Variants in ZNF583 observed in about 807,000 individuals in gnomAD.
ZNF583 encodes the protein zinc finger protein L3-5.
Under a neutral mutation model 55.3 loss-of-function variants are expected in ZNF583, and 30 were observed. The observed-to-expected ratio is 0.54, with a 90% CI of 0.41 to 0.74. The LOEUF is 0.74. Ranked by LOEUF, ZNF583 falls within the 30% of genes least tolerant of loss-of-function variation. ZNF583 has a pLI of 0.00. For missense variants in ZNF583, 504 were observed against 664.7 expected (o/e 0.76, Z 2.66); for synonymous variants, 208 against 220.0 (o/e 0.95, Z 0.48).
chr19:56,422,857 A>G, intron 4 of ZNF583, 34 bp from the exon 5 acceptor site: 2 of 1,506,298 alleles, frequency 1.3e-6, no homozygotes, highest in Non-Finnish European at 8.9e-7. Flanking sequence ...AGTGAATTAA[A>G]TACAAAAGTC....
At chr19:56,406,101 G>A (rs60451375) in intron 1 of ZNF583, among the ~76,000 whole-genome samples, 2,110 of 152,292 alleles carry the variant, frequency 0.014, 46 homozygotes, top group African/African-American at 0.048. Context: ...TGTCTGAGGA[G>A]ATTGCCCAGA....
rs2042498607 is a variant in ZNF583 at position 56,427,296 on chromosome 19, G to A, written c.*2928G>A. On this transcript the variant is annotated 3_prime_UTR_variant, in exon 5 of 5. Transcript: ENST00000333201. ...CCATTAACAAGTATAAGTTCTAACT[G>A]AATAAAAATCTAAATGTAAATTACT... 6.6e-6 allele frequency: 1 copy of A among 152,068 alleles called. No homozygotes were observed. The highest frequency in any genetic ancestry group is 6.6e-5 in the Admixed American group (1 of 15,266). 9.4% of individuals were successfully genotyped at this position (152,068 alleles called of 1,614,324 possible). A position where few individuals can be genotyped will look rare whatever the true frequency, so the allele number is the denominator to read the frequency against.
intron 1 of ZNF583, 53 bp from the exon 2 acceptor site, chr19:56,406,973 A>G: frequency 1.2e-6 from 1 of 809,118 alleles, no homozygotes; most frequent in Non-Finnish European, 2.0e-6. Context: ...GGCTGATGAT[A>G]CTGAGAGCTG....
At chr19:56,404,100 TGGAA>T (rs2042106058), upstream of ZNF583, 1 of 152,182 alleles carries the variant, frequency 6.6e-6, no homozygotes, top group Non-Finnish European at 1.5e-5. This position sits in a 1 kb window ranked among gnomAD's most constrained non-coding sequence, Gnocchi z 5.2. Context: ...GTGGAACGGG[TGGAA>T]CGGGTGGGGG....
In ZNF583 at chr19:56,424,424, G is replaced by A. The variant is rs1333571710; in HGVS notation, c.*56G>A. The stretch of plus-strand genomic sequence containing the variant: ...TTCCATCCCATCATCCTTGTCCAAT[G>A]CACATTAATATATTTGACATGGGAT... On this transcript the variant is annotated 3_prime_UTR_variant, in exon 5 of 5. Transcript: ENST00000333201. 1 of 743,026 alleles carries A rather than the reference G, an allele frequency of 1.3e-6. No homozygotes were observed. The highest frequency in any genetic ancestry group is 2.7e-5 in the East Asian group (1 of 37,118). The allele number at this position is 743,026 out of a possible 1,614,324, so 46.0% of individuals were successfully genotyped here. A position where few individuals can be genotyped will look rare whatever the true frequency, so the allele number is the denominator to read the frequency against.
At chr19:56,419,656 A>G (rs2042384167) in intron 4 of ZNF583, among the ~76,000 whole-genome samples, 1 of 152,230 alleles carries the variant, frequency 6.6e-6, no homozygotes, top group Non-Finnish European at 1.5e-5. Flanking sequence ...TCACCAATGA[A>G]GACATCTGGG....
In ZNF583 at chr19:56,404,976, G is replaced by A. The variant is rs113780059; in HGVS notation, c.-90+524G>A. On this transcript the variant is annotated intron_variant, in intron 1 of 4. Coordinates refer to ENST00000333201, the MANE Select transcript of ZNF583 (RefSeq NM_152478.3). This position sits in a 1 kb window ranked among gnomAD's most constrained non-coding sequence, Gnocchi z 5.2. ...ATAATGTAAGACTGTGTGACAGTGT[G>A]TGTGACTTTGTGAACAGAGCTTGAC... 0.071 allele frequency among the ~76,000 whole-genome samples: 10,877 copies of A among 152,232 alleles called. 652 individuals carry two copies. The highest frequency in any genetic ancestry group is 0.17 in the African/African-American group (6,865 of 41,506).
chr19:56,424,033 A>G lies in ZNF583; in HGVS notation c.1375A>G (p.Thr459Ala). 6.2e-7 allele frequency: 1 copy of G among 1,614,120 alleles called. No homozygotes were observed. Among genetic ancestry groups the G allele is most frequent in the South Asian group, 1.1e-5 (1 of 91,088 alleles). ...ACTTGCACAACATCAGAGAAGTCATACTGGAGAAAAACCCTATATGTGTAA... is the reference window on the plus strand; with the variant it reads ...ACTTGCACAACATCAGAGAAGTCATGCTGGAGAAAAACCCTATATGTGTAA... Reference protein sequence around the residue: ...SSLAQHQRSHTGEKPYMCKEC... With the variant: ...SSLAQHQRSHAGEKPYMCKEC... The change falls in exon 5 of 5, where the codon ACT (threonine) becomes GCT (alanine). Residue 459 changes from threonine to alanine, a missense_variant. Thr to Ala is a moderately conservative substitution (Grantham distance 58). Coordinates refer to ENST00000333201, the MANE Select transcript of ZNF583 (RefSeq NM_152478.3).
At chr19:56,420,959 CTA>C (rs1456712860) in intron 4 of ZNF583, among the ~76,000 whole-genome samples, 14 of 152,170 alleles carry the variant, frequency 9.2e-5, no homozygotes, top group African/African-American at 3.4e-4. Flanking sequence ...TTGCTCATCT[CTA>C]TCTTCTTTTG....
rs1427330575 is a variant in ZNF583, at chr19:56,414,025, G to T, written c.76G>T (p.Ala26Ser). The T allele has an allele frequency of 6.2e-7, 1 of 1,612,366 alleles. No individual in the cohort carries two copies. Among genetic ancestry groups the T allele is most frequent in the South Asian group, 1.1e-5 (1 of 90,746 alleles). ...SQEEWEWLNP[A>S]QRNLYRKVML... ...AGAGGAATGGGAATGGCTGAACCCT[G>T]CTCAGAGGAATTTGTACAGGAAAGT... is the stretch of plus-strand genomic sequence containing the variant. Residue 26 changes from alanine to serine, a missense_variant, in exon 3 of 5, where the codon GCT becomes TCT. Transcript: ENST00000333201.
At chr19:56,410,759 T>A (rs1352795502) in intron 2 of ZNF583, among the ~76,000 whole-genome samples, 1 of 151,772 alleles carries the variant, frequency 6.6e-6, no homozygotes, top group African/African-American at 2.4e-5. Flanking sequence ...AAAATAAGCA[T>A]GGGGGTTAGT....
At position 56,423,425 on chromosome 19, in the gene ZNF583, C is replaced by T. The variant is rs768773674; in HGVS notation, c.767C>T (p.Ala256Val). The T allele has an allele frequency of 5.7e-5, 92 of 1,613,638 alleles. No homozygotes were observed. The highest frequency in any genetic ancestry group is 1.6e-4 in the Middle Eastern group (1 of 6,080). Residue 256 changes from alanine to valine, a missense_variant, in exon 5 of 5, where the codon GCG becomes GTG. Ala to Val is a moderately conservative substitution (Grantham distance 64, BLOSUM62 0). Transcript: ENST00000333201. ...ACGTTCAGCCAGAGTGCAAACTTGG[C>T]GCAACATAAGAGAATACATACTGGA... ...GKTFSQSANL[A>V]QHKRIHTGEK...
At chr19:56,419,645 T>C (rs2042383916) in intron 4 of ZNF583, among the ~76,000 whole-genome samples, 1 of 152,226 alleles carries the variant, frequency 6.6e-6, no homozygotes, top group Non-Finnish European at 1.5e-5. Context: ...TTTGATAGAA[T>C]TCACCAATGA....
At chr19:56,417,991 T>C (rs1167671806) in intron 4 of ZNF583, among the ~76,000 whole-genome samples, 1 of 152,234 alleles carries the variant, frequency 6.6e-6, no homozygotes, top group Admixed American at 6.5e-5. Flanking sequence ...GAATGTCTTC[T>C]GTTCCATTGA....
At chr19:56,415,900 C>T (rs2042314073) in intron 4 of ZNF583, among the ~76,000 whole-genome samples, 1 of 152,060 alleles carries the variant, frequency 6.6e-6, no homozygotes, top group Admixed American at 6.6e-5. Flanking sequence ...TTTAATTTTT[C>T]TAGATAATTG....
chr19:56,422,158 T>C (rs903562906), intron 4 of ZNF583, among the ~76,000 whole-genome samples: 4 of 152,136 alleles, frequency 2.6e-5, no homozygotes, highest in Middle Eastern at 3.2e-3. Context: ...TAAACCAAGG[T>C]AGGAATTTTC....
intron 4 of ZNF583, chr19:56,414,861 C>CA (rs35096926): frequency 0.026 from 1,640 of 64,256 alleles, 16 homozygotes; most frequent in African/African-American, 0.031. Flanking sequence ...ACTAAAAATA[C>CA]AAAAAAAAAA....
At chr19:56,410,508 T>C (rs1464482751) in intron 2 of ZNF583, among the ~76,000 whole-genome samples, 1 of 152,130 alleles carries the variant, frequency 6.6e-6, no homozygotes, top group African/African-American at 2.4e-5. Flanking sequence ...AAGACCAGCC[T>C]GGCCAACATG....
rs557558563 is a variant in ZNF583, at chr19:56,414,060, G to A, written c.111G>A (p.Glu37=). 1 of 1,604,538 alleles carries A rather than the reference G, an allele frequency of 6.2e-7. No individual in the cohort carries two copies. Among genetic ancestry groups the A allele is most frequent in the Admixed American group, 1.7e-5 (1 of 58,588 alleles). The change falls in exon 3 of 5, where the codon GAG becomes GAA. Residue 37 remains glutamate, a synonymous_variant. Transcript: ENST00000333201. ...QRNLYRKVML[E]NYRSLVSLGV... ...ATTTGTACAGGAAAGTGATGTTGGAGAACTACAGGAGCTTGGTATCATTGG... is the reference window on the plus strand; with the variant it reads ...ATTTGTACAGGAAAGTGATGTTGGAAAACTACAGGAGCTTGGTATCATTGG...
Sources: gnomAD v4.1 joint callset for allele counts (sites outside exome capture counted in the v4.1 genomes callset) on GRCh38, gnomAD v4.1.1 for gene constraint, Gnocchi (gnomAD v3.1) non-coding constraint, MANE v1.5 for transcripts, NCBI Gene and HGNC (gene_info 2026-07-23, HGNC 2026-07-21) for gene names.